Variants in MERTK observed in about 807,000 individuals in gnomAD.
MERTK encodes the protein tyrosine-protein kinase Mer.
MERTK carries 69 observed loss-of-function variants against 99.3 expected under a neutral mutation model. The ratio of observed to expected loss-of-function variants is 0.70; its 90% CI spans 0.57 to 0.85. The LOEUF (loss-of-function observed/expected upper bound fraction) is 0.85, where lower values mean the gene tolerates loss of function less well. Among genes scored for constraint, MERTK ranks in the 40% least tolerant of loss-of-function variants. The pLI, the probability that MERTK is intolerant of heterozygous loss-of-function variation, is 0.00. For missense variants in MERTK, 1,125 were observed against 1,249.4 expected (o/e 0.90, Z 1.50); for synonymous variants, 426 against 467.6 (o/e 0.91, Z 1.15).
At chr2:111,948,757 GT>G (rs1685004810) in intron 4 of MERTK, among the ~76,000 whole-genome samples, 1 of 152,142 alleles carries the variant, frequency 6.6e-6, no homozygotes, top group African/African-American at 2.4e-5. Flanking sequence ...CGCCTCTGCA[GT>G]AGCTTCCTAA....
At chr2:112,008,555 G>A in intron 14 of MERTK, 80 bp downstream of exon 14, 1 of 1,067,248 alleles carries the variant, frequency 9.4e-7, no homozygotes, top group Non-Finnish European at 1.5e-6. Flanking sequence ...AATCTCTGGT[G>A]TAGATAAGTT....
intron 1 of MERTK, among the ~76,000 whole-genome samples, chr2:111,911,689 CTTTTTTTT>C (rs34867670): frequency 3.5e-5 from 2 of 57,698 alleles, no homozygotes; most frequent in Admixed American, 2.4e-4. Flanking sequence ...AGCGCCCAGC[CTTTTTTTT>C]TTTTTTTTTT....
chr2:111,914,477 C>T (rs575558014), intron 1 of MERTK, among the ~76,000 whole-genome samples: 1 of 152,274 alleles, frequency 6.6e-6, no homozygotes, highest in Non-Finnish European at 1.5e-5. Context: ...CAGGGTTTCA[C>T]CATGTTGGCC....
intron 15 of MERTK, chr2:112,013,317 TC>T (rs1291959944): frequency 1.9e-5 from 3 of 154,254 alleles, no homozygotes; most frequent in African/African-American, 7.2e-5. Flanking sequence ...CTGAGTATTT[TC>T]CTTCTCTTTT....
intron 1 of MERTK, 90 bp from the exon 2 acceptor site, chr2:111,929,030 T>C: frequency 7.3e-7 from 1 of 1,362,884 alleles, no homozygotes; most frequent in Non-Finnish European, 1.0e-6. Flanking sequence ...GACACCCCAG[T>C]GCTCTCTCTT....
intron 3 of MERTK, among the ~76,000 whole-genome samples, chr2:111,946,098 G>C (rs550730235): frequency 1.3e-5 from 2 of 152,220 alleles, no homozygotes; most frequent in Middle Eastern, 3.4e-3. Context: ...AGGAGTGAGT[G>C]GGGAAGACAG....
chr2:111,922,165 G>T (rs934078308), intron 1 of MERTK, among the ~76,000 whole-genome samples: 5 of 152,318 alleles, frequency 3.3e-5, no homozygotes, highest in African/African-American at 9.6e-5. Context: ...GCTGCCACCT[G>T]CCCTGCTCAA....
chr2:111,976,415 G>A (rs1409323821), intron 7 of MERTK, among the ~76,000 whole-genome samples: 1 of 152,294 alleles, frequency 6.6e-6, no homozygotes, highest in Non-Finnish European at 1.5e-5. Context: ...AGAGGTCAGA[G>A]AGATTGTTTT....
At chr2:112,011,368 G>A (rs1187511349) in intron 15 of MERTK, among the ~76,000 whole-genome samples, 1 of 152,144 alleles carries the variant, frequency 6.6e-6, no homozygotes, top group Non-Finnish European at 1.5e-5. Flanking sequence ...CTACAAACCT[G>A]GGGTGACAGT....
chr2:111,998,800 A>G (rs1240832412), intron 10 of MERTK, among the ~76,000 whole-genome samples: 1 of 152,206 alleles, frequency 6.6e-6, no homozygotes, highest in Non-Finnish European at 1.5e-5. Context: ...AAATATTTAG[A>G]AATAAAACTA....
intron 15 of MERTK, among the ~76,000 whole-genome samples, chr2:112,010,861 C>T (rs1000685233): frequency 5.3e-5 from 8 of 152,172 alleles, no homozygotes; most frequent in African/African-American, 1.7e-4. Flanking sequence ...CTGCCTTGCA[C>T]GCATCTTCTC....
chr2:111,921,395 G>C (rs1684456612), intron 1 of MERTK, among the ~76,000 whole-genome samples: 1 of 151,956 alleles, frequency 6.6e-6, no homozygotes, highest in Admixed American at 6.5e-5. Flanking sequence ...TGCTACTCAG[G>C]AGGCTGAGGC....
At chr2:111,994,563 G>T (rs142278119) in intron 9 of MERTK, 159 bp downstream of exon 9, 24 of 1,011,740 alleles carry the variant, frequency 2.4e-5, no homozygotes, top group Middle Eastern at 5.1e-4. Context: ...AGGAGTTTGA[G>T]AACAACCTGG....
At chr2:112,002,771 C>T (rs760940807) in intron 11 of MERTK, among the ~76,000 whole-genome samples, 11 of 152,074 alleles carry the variant, frequency 7.2e-5, no homozygotes, top group Admixed American at 2.0e-4. Flanking sequence ...GTCAGGAGTT[C>T]GAGACCAGCC....
chr2:112,020,949 T>A (rs763291484), intron 16 of MERTK, among the ~76,000 whole-genome samples: 19 of 151,512 alleles, frequency 1.3e-4, no homozygotes, highest in Non-Finnish European at 2.5e-4. Context: ...ATCCCAGCAC[T>A]TTGGAATGCC....
At chr2:111,971,853 G>C (rs1460618125) in intron 6 of MERTK, among the ~76,000 whole-genome samples, 1 of 152,206 alleles carries the variant, frequency 6.6e-6, no homozygotes, top group East Asian at 1.9e-4. Context: ...TTGCCTTGCT[G>C]ATACTCTGTC....
intron 3 of MERTK, among the ~76,000 whole-genome samples, chr2:111,946,973 A>C (rs1200470569): frequency 6.6e-6 from 1 of 152,204 alleles, no homozygotes; most frequent in African/African-American, 2.4e-5. Context: ...GGCTGTAGAT[A>C]AAGAACTCTT....
At chr2:111,963,979 T>C (rs538743695) in intron 4 of MERTK, among the ~76,000 whole-genome samples, 192 of 151,750 alleles carry the variant, frequency 1.3e-3, no homozygotes, top group African/African-American at 4.5e-3. Context: ...TCTGTCAACA[T>C]GATATAGCAC....
chr2:112,001,426 C>A, intron 11 of MERTK, 140 bp downstream of exon 11: 1 of 752,812 alleles, frequency 1.3e-6, no homozygotes, highest in Non-Finnish European at 2.3e-6. Context: ...TCTTTAAAAG[C>A]AGCAAGTAGA....
Sources: gnomAD v4.1 joint callset for allele counts (sites outside exome capture counted in the v4.1 genomes callset) on GRCh38, gnomAD v4.1.1 for gene constraint, MANE v1.5 for transcripts, NCBI Gene and HGNC (gene_info 2026-07-23, HGNC 2026-07-21) for gene names.